Variants in ATE1 observed in about 807,000 individuals in gnomAD.
The protein encoded by ATE1 is arginyltransferase 1, also known as arginyl-tRNA--protein transferase 1.
ATE1 carries 36 observed loss-of-function variants against 70.5 expected under a neutral mutation model. That is an observed-to-expected ratio of 0.51 (90% confidence interval 0.39 to 0.67). The LOEUF is 0.67. Ranked by LOEUF, ATE1 falls within the 30% of genes least tolerant of loss-of-function variation. ATE1 has a pLI of 0.00. For missense variants in ATE1, 593 were observed against 629.5 expected (o/e 0.94, Z 0.62); for synonymous variants, 232 against 219.3 (o/e 1.06, Z -0.51).
At chr10:121,818,822 C>T (rs11200176) in intron 10 of ATE1, among the ~76,000 whole-genome samples, 92,701 of 151,966 alleles carry the variant, frequency 0.61, 28,470 homozygotes, top group African/African-American at 0.63. Flanking sequence ...TATATATACA[C>T]GACAGACACA....
intron 8 of ATE1, among the ~76,000 whole-genome samples, chr10:121,856,076 C>CA (rs34106606): frequency 7.6e-4 from 95 of 125,764 alleles, no homozygotes; most frequent in East Asian, 1.6e-3. Flanking sequence ...AACTATATCT[C>CA]AAAAAAAAAA....
At chr10:121,921,761 C>T (rs549104084) in intron 3 of ATE1, among the ~76,000 whole-genome samples, 1 of 152,276 alleles carries the variant, frequency 6.6e-6, no homozygotes, top group East Asian at 1.9e-4. Context: ...TGTAAGCTTG[C>T]TTCAAGCTAG....
intron 7 of ATE1, among the ~76,000 whole-genome samples, chr10:121,884,419 G>A (rs559966515): frequency 2.0e-5 from 3 of 152,088 alleles, no homozygotes; most frequent in Admixed American, 2.0e-4. Flanking sequence ...GGGCAACACA[G>A]CAAGGTCTCC....
At position 121,918,805 on chromosome 10, in the gene ATE1, G is replaced by A. The variant is rs538843278; in HGVS notation, c.233+3544C>T. ...CAACGGCCAGCTGGACTTCTGGGTC[G>A]GGGCGGGGGTGGGGGGGACGTGAAG... On this transcript the variant is annotated intron_variant, in intron 3 of 11. Transcript: ENST00000224652. Among the ~76,000 whole-genome samples the A allele has an allele frequency of 1.7e-4, 25 of 151,378 alleles. No homozygotes were observed. In the East Asian group the frequency reaches 2.3e-3, roughly 14 times the overall value.
At chr10:121,911,879 T>C (rs1166485353) in intron 4 of ATE1, among the ~76,000 whole-genome samples, 2 of 152,116 alleles carry the variant, frequency 1.3e-5, no homozygotes, top group Non-Finnish European at 2.9e-5. Context: ...CCCAAGTAGC[T>C]GGGACCACAG....
chr10:121,824,459 A>AT (rs958935749), intron 10 of ATE1, among the ~76,000 whole-genome samples: 4 of 152,188 alleles, frequency 2.6e-5, no homozygotes, highest in Non-Finnish European at 2.9e-5. Flanking sequence ...TGTTAATTCC[A>AT]TTTTTTTGTA....
intron 1 of ATE1, chr10:121,927,542 C>T: frequency 1.0e-6 from 1 of 985,188 alleles, no homozygotes; most frequent in Non-Finnish European, 1.2e-6. Context: ...TGGGGCGTTC[C>T]CTGGCACTGC....
chr10:121,843,660 A>C (rs1163332945), intron 8 of ATE1, among the ~76,000 whole-genome samples: 1 of 152,164 alleles, frequency 6.6e-6, no homozygotes, highest in Non-Finnish European at 1.5e-5. Flanking sequence ...AAAGCAGCAA[A>C]GGCAATGCAA....
intron 4 of ATE1, among the ~76,000 whole-genome samples, chr10:121,912,192 G>A (rs1339709471): frequency 2.6e-5 from 4 of 151,184 alleles, no homozygotes; most frequent in Non-Finnish European, 2.9e-5. Context: ...ACCCGGCCCC[G>A]AAAGAAACAG....
At chr10:121,902,189 TA>T (rs1040281813) in intron 6 of ATE1, among the ~76,000 whole-genome samples, 1 of 151,242 alleles carries the variant, frequency 6.6e-6, no homozygotes, top group Non-Finnish European at 1.5e-5. Flanking sequence ...AAAAGTCTTT[TA>T]AAAAAAAAGG....
chr10:121,913,369 A>C (rs976784097), intron 4 of ATE1, among the ~76,000 whole-genome samples: 2 of 152,246 alleles, frequency 1.3e-5, no homozygotes, highest in African/African-American at 4.8e-5. Flanking sequence ...ATTCAAACAC[A>C]GAAAAGCTGA....
At chr10:121,852,406 A>ATT (rs201539144) in intron 8 of ATE1, among the ~76,000 whole-genome samples, 2 of 151,536 alleles carry the variant, frequency 1.3e-5, no homozygotes, top group African/African-American at 2.4e-5. Context: ...TTGCTTTTTT[A>ATT]TTTTTTTTTA....
intron 8 of ATE1, among the ~76,000 whole-genome samples, chr10:121,858,393 CAT>C (rs1418110586): frequency 1.3e-5 from 2 of 151,794 alleles, no homozygotes; most frequent in Non-Finnish European, 2.9e-5. Flanking sequence ...AGTGATATCT[CAT>C]TTTGGTTTTG....
chr10:121,927,450 C>T (rs2134679050), intron 1 of ATE1: 1 of 985,336 alleles, frequency 1.0e-6, no homozygotes, highest in African/African-American at 1.7e-5. Flanking sequence ...CCACAGCTCC[C>T]TCTGCACCGC....
At chr10:121,841,432 G>C (rs1489441718) in intron 8 of ATE1, among the ~76,000 whole-genome samples, 169 bp from the exon 9 acceptor site, 3 of 151,838 alleles carry the variant, frequency 2.0e-5, no homozygotes, top group Non-Finnish European at 4.4e-5. Flanking sequence ...TTTCATCATA[G>C]AAATACTGAC....
intron 11 of ATE1, among the ~76,000 whole-genome samples, chr10:121,789,100 C>T (rs1030552336): frequency 2.0e-5 from 3 of 152,164 alleles, no homozygotes; most frequent in South Asian, 2.1e-4. Context: ...CACCAAAAAA[C>T]AGTAATAGGG....
In ATE1 at chr10:121,902,635, A is replaced by C; in HGVS notation, c.584-15T>G. On this transcript the variant is annotated splice_polypyrimidine_tract_variant and intron_variant, in intron 5 of 11. Coordinates refer to ENST00000224652, the MANE Select transcript of ATE1 (RefSeq NM_001001976.3). ...AGCCCCTTTGCCTAAAAAGAATTTT[A>C]AAATATTAGACCAATCACATTTGGT... 6.4e-7 allele frequency: 1 copy of C among 1,573,392 alleles called. No individual in the cohort carries two copies. The highest frequency in any genetic ancestry group is 8.6e-7 in the Non-Finnish European group (1 of 1,159,186).
At chr10:121,928,316 C>G, upstream of ATE1, 1 of 1,511,598 alleles carries the variant, frequency 6.6e-7, no homozygotes, top group South Asian at 1.2e-5. Context: ...GGCGCGGCGG[C>G]CGCGCCAACT....
At chr10:121,809,546 G>A (rs1042280446) in intron 10 of ATE1, among the ~76,000 whole-genome samples, 9 of 152,166 alleles carry the variant, frequency 5.9e-5, no homozygotes, top group Non-Finnish European at 1.2e-4. Flanking sequence ...TATTTTTACT[G>A]CGAGTGCACC....
Sources: gnomAD v4.1 joint callset for allele counts (sites outside exome capture counted in the v4.1 genomes callset) on GRCh38, gnomAD v4.1.1 for gene constraint, MANE v1.5 for transcripts, NCBI Gene and HGNC (gene_info 2026-07-23, HGNC 2026-07-21) for gene names.